DNAH9: variants seen among roughly 807,000 people sequenced by gnomAD.
DNAH9 encodes DNAH9 variant protein.
A neutral mutation model predicts 471.6 loss-of-function variants in DNAH9; 345 were observed. The ratio of observed to expected loss-of-function variants is 0.73; its 90% confidence interval spans 0.67 to 0.80. The LOEUF (loss-of-function observed/expected upper bound fraction) is 0.80, where lower values mean the gene tolerates loss of function less well. DNAH9 is among the 30% of genes least tolerant of loss of function. The pLI is 0.00. For missense variants in DNAH9, 5,407 were observed against 5,609.2 expected, an observed-to-expected ratio of 0.96 and a Z score of 1.15; for synonymous variants, 2,093 against 2,123.6, an observed-to-expected ratio of 0.99 and a Z score of 0.40.
rs1459851800 is a variant in DNAH9, at chr17:11,869,187, A to C, written c.9987A>C (p.Ala3329=). ...CAGCCAGGTTTGAGAAAGCAACAGC[A>C]GACAAACTCAAATGTCAGCAAGAAG... ...KLTARFEKAT[A]DKLKCQQEAE... is the part of the protein sequence containing the mutation. Residue 3329 remains alanine, a synonymous_variant, in exon 51 of 69, where the codon GCA becomes GCC. Transcript: ENST00000262442. The C allele has an allele frequency of 6.2e-7, 1 of 1,613,862 alleles. No homozygotes were observed. The highest frequency in any genetic ancestry group is 8.5e-7 in the Non-Finnish European group (1 of 1,179,828).
chr17:11,845,546 G>A (rs1364137062), intron 49 of DNAH9, among the ~76,000 whole-genome samples: 1 of 148,446 alleles, frequency 6.7e-6, no homozygotes, highest in Non-Finnish European at 1.5e-5. Flanking sequence ...GGGTCAAATG[G>A]TATTTCTAGT....
intron 38 of DNAH9, among the ~76,000 whole-genome samples, chr17:11,779,137 GT>G (rs1453919044): frequency 6.6e-6 from 1 of 152,150 alleles, no homozygotes; most frequent in African/African-American, 2.4e-5. Context: ...ACCCCAACCT[GT>G]TCCATACGGG....
In DNAH9 at chr17:11,804,004, C is replaced by T. The variant is rs140917582; in HGVS notation, c.8421-3728C>T. On this transcript the variant is annotated intron_variant, in intron 43 of 68. Coordinates refer to ENST00000262442, the MANE Select transcript of DNAH9 (RefSeq NM_001372.4). ...TAATGAATCATTGCGTACATCACCC[C>T]AAATGTGGAGCTCATATAAGGCATG... is the stretch of plus-strand genomic sequence containing the variant. 3.3e-3 allele frequency among the ~76,000 whole-genome samples: 498 copies of T among 152,306 alleles called. 3 individuals are homozygous for T. Among genetic ancestry groups the T allele is most frequent in the African/African-American group, 0.011 (438 of 41,576 alleles).
rs746081639 is a variant in DNAH9 at position 11,942,417 on chromosome 17, T to C, written c.12775T>C (p.Cys4259Arg). The C allele has an allele frequency of 1.9e-6, 3 of 1,614,088 alleles. No homozygotes were observed. Among genetic ancestry groups the C allele is most frequent in the East Asian group, 4.5e-5 (2 of 44,860 alleles). Reference sequence around the variant, plus strand: ...TTACATTGTAGTTGCCTTCCAGGAGTGTGGCCGGATGAATATCCTCACCAG... The same window carrying C: ...TTACATTGTAGTTGCCTTCCAGGAGCGTGGCCGGATGAATATCCTCACCAG... ...TPYIVVAFQE[C>R]GRMNILTREI... The change falls in exon 67 of 69, where the codon TGT (cysteine) becomes CGT (arginine). Residue 4259 changes from cysteine (C) to arginine (R), a missense_variant. Transcript: ENST00000262442.
chr17:11,834,041 G>C (rs1170649093), intron 48 of DNAH9, among the ~76,000 whole-genome samples: 1 of 152,166 alleles, frequency 6.6e-6, no homozygotes, highest in Non-Finnish European at 1.5e-5. Context: ...CAGGGAGAAA[G>C]GTCAGGGCCG....
chr17:11,623,529 C>G lies in DNAH9; in HGVS notation c.1350+3748C>G, dbSNP rs1458627506. Among the ~76,000 whole-genome samples the G allele has an allele frequency of 6.6e-6, 1 of 152,094 alleles. No individual in the cohort carries two copies. Among genetic ancestry groups the G allele is most frequent in the East Asian group, 1.9e-4 (1 of 5,190 alleles). ...ATGCATCGCCCTTGCCCTTTGCCAT[C>G]TTCCTCCTCCCCCAGCTCTTGCCTC... On this transcript the variant is annotated intron_variant, in intron 6 of 68. Coordinates refer to ENST00000262442, the MANE Select transcript of DNAH9 (RefSeq NM_001372.4). The surrounding 1 kb of genome is among the most constrained non-coding windows in gnomAD (Gnocchi z 4.1).
intron 17 of DNAH9, among the ~76,000 whole-genome samples, chr17:11,673,788 T>G (rs550332390): frequency 1.3e-5 from 2 of 152,244 alleles, no homozygotes; most frequent in African/African-American, 2.4e-5. Flanking sequence ...TTGCAAGATG[T>G]TACTAGGGTC....
chr17:11,762,789 T>TTTTTTTTTTTTG (rs1567783499), intron 35 of DNAH9, among the ~76,000 whole-genome samples: 2 of 135,360 alleles, frequency 1.5e-5, no homozygotes, highest in Non-Finnish European at 3.2e-5. Context: ...TTTTTTTTTT[T>TTTTTTTTTTTTG]TTTTTTTTGA....
At chr17:11,798,700 G>C (rs905939623) in intron 43 of DNAH9, among the ~76,000 whole-genome samples, 2 of 151,940 alleles carry the variant, frequency 1.3e-5, no homozygotes, top group African/African-American at 4.8e-5. Flanking sequence ...GGGTACTCAC[G>C]GTCTTAGCAA....
chr17:11,688,446 A>T (rs2074276618), intron 19 of DNAH9, among the ~76,000 whole-genome samples: 2 of 152,206 alleles, frequency 1.3e-5, no homozygotes, highest in Non-Finnish European at 2.9e-5. Flanking sequence ...TTCAAGGCAC[A>T]CAGTGAAGGA....
intron 19 of DNAH9, among the ~76,000 whole-genome samples, chr17:11,689,204 G>A (rs1031971438): frequency 6.6e-6 from 1 of 152,128 alleles, no homozygotes; most frequent in African/African-American, 2.4e-5. Flanking sequence ...GCTCTTTTGT[G>A]TCAAATGGTC....
chr17:11,699,368 T>C (rs7222859), intron 22 of DNAH9, among the ~76,000 whole-genome samples: 1,752 of 152,338 alleles, frequency 0.012, 34 homozygotes, highest in African/African-American at 0.038. Context: ...CCTTTGCTCA[T>C]GTCCTGTACC....
chr17:11,641,612 A>AC (rs1475350391), intron 10 of DNAH9, among the ~76,000 whole-genome samples: 4 of 151,426 alleles, frequency 2.6e-5, no homozygotes, highest in South Asian at 2.1e-4. Flanking sequence ...CTTCCCGGGG[A>AC]CCCCCCAGCC....
At chr17:11,913,109 A>G (rs771074569) in intron 61 of DNAH9, among the ~76,000 whole-genome samples, 2 of 152,138 alleles carry the variant, frequency 1.3e-5, no homozygotes, top group Non-Finnish European at 2.9e-5. Context: ...TGGAGGTTGC[A>G]GTGAGCCAAG....
At chr17:11,663,497 T>A (rs868813476) in intron 14 of DNAH9, among the ~76,000 whole-genome samples, 1 of 152,224 alleles carries the variant, frequency 6.6e-6, no homozygotes, top group Non-Finnish European at 1.5e-5. Flanking sequence ...GTTCTGTCTG[T>A]TATCCAGTTA....
intron 62 of DNAH9, among the ~76,000 whole-genome samples, chr17:11,926,921 T>C (rs1004833439): frequency 6.6e-6 from 1 of 152,202 alleles, no homozygotes; most frequent in African/African-American, 2.4e-5. Context: ...CAGCATCTGT[T>C]GTTTCTTGAC....
chr17:11,731,005 GTAATGATGA>G (rs2075254313), intron 28 of DNAH9, among the ~76,000 whole-genome samples: 1 of 148,966 alleles, frequency 6.7e-6, no homozygotes, highest in Non-Finnish European at 1.5e-5. Context: ...GGTGATGGTG[GTAATGATGA>G]TGGTGGTGAT....
intron 66 of DNAH9, 79 bp from the exon 67 acceptor site, chr17:11,942,224 A>G: frequency 1.8e-5 from 28 of 1,537,052 alleles, no homozygotes; most frequent in Non-Finnish European, 2.3e-5. Context: ...TGGCATCTCT[A>G]GTCCCACACT....
chr17:11,684,702 G>A (rs1056035744), intron 19 of DNAH9, among the ~76,000 whole-genome samples: 2 of 152,134 alleles, frequency 1.3e-5, no homozygotes, highest in African/African-American at 4.8e-5. Flanking sequence ...TTCAGCAGGC[G>A]ACCAGATTCT....
Sources: gnomAD v4.1 joint callset for allele counts (sites outside exome capture counted in the v4.1 genomes callset) on GRCh38, gnomAD v4.1.1 for gene constraint, Gnocchi (gnomAD v3.1) non-coding constraint, MANE v1.5 for transcripts, NCBI Gene and HGNC (gene_info 2026-07-23, HGNC 2026-07-21) for gene names.